The following CLIC2 variants were observed in gnomAD, a reference collection of about 807,000 sequenced individuals.
CLIC2 encodes the protein chloride intracellular channel protein 2.
In CLIC2, 9 loss-of-function variants were observed where a neutral mutation model predicts 14.8. That is an observed-to-expected ratio of 0.61 (90% CI 0.37 to 1.06). CLIC2 has a LOEUF of 1.06. Ranked by LOEUF, CLIC2 falls within the 50% of genes least tolerant of loss-of-function variation. CLIC2 has a pLI of 0.01. For synonymous variants in CLIC2, 61 were observed against 66.3 expected, an observed-to-expected ratio of 0.92 and a Z score of 0.39; for missense variants, 148 against 181.4, an observed-to-expected ratio of 0.82 and a Z score of 1.06.
intron 1 of CLIC2, among the ~76,000 whole-genome samples, chrX:155,329,504 A>C (rs1162927291): frequency 9.3e-6 from 1 of 107,458 alleles, no homozygotes; most frequent in Non-Finnish European, 2.0e-5. Context: ...CAACCTAATA[A>C]AATGGCTTTT....
At chrX:155,299,875 T>C (rs1472106783) in intron 1 of CLIC2, among the ~76,000 whole-genome samples, 9 of 108,467 alleles carry the variant, frequency 8.3e-5, no homozygotes. Flanking sequence ...TGATTTCCAA[T>C]TTCATCCATG....
intron 3 of CLIC2, among the ~76,000 whole-genome samples, chrX:155,281,118 G>T (rs2074917614): frequency 9.2e-6 from 1 of 108,200 alleles, no homozygotes; most frequent in Admixed American, 1.0e-4. Context: ...GCCAGGCACA[G>T]AAAGACAAAT....
chrX:155,301,492 G>A (rs2075017807), intron 1 of CLIC2, among the ~76,000 whole-genome samples: 1 of 107,930 alleles, frequency 9.3e-6, no homozygotes, highest in South Asian at 4.2e-4. Flanking sequence ...AGACAATGGG[G>A]TTTTCTAGAT....
At chrX:155,279,430 C>A in intron 4 of CLIC2, 100 bp from the exon 5 acceptor site, 1 of 603,386 alleles carries the variant, frequency 1.7e-6, no homozygotes. Flanking sequence ...TCTATCTATA[C>A]ATACTACTTA....
At chrX:155,311,824 A>T (rs1224908481) in intron 1 of CLIC2, among the ~76,000 whole-genome samples, 1 of 111,675 alleles carries the variant, frequency 9.0e-6, no homozygotes, top group Non-Finnish European at 1.9e-5. Context: ...GGCAGCAGAC[A>T]AGAGAAGAGA....
In CLIC2 at chrX:155,285,949, G is replaced by A. The variant is rs1395720685; in HGVS notation, c.294-5881C>T. On this transcript the variant is annotated intron_variant, in intron 3 of 5. Coordinates refer to ENST00000369449, the MANE Select transcript of CLIC2 (RefSeq NM_001289.6). The stretch of plus-strand genomic sequence containing the variant: ...AGGGAGGGGGGCTCCAAAGCCGAAA[G>A]AGGAGGCCCCCCAAAAACCATATTT... 3.7e-5 allele frequency among the ~76,000 whole-genome samples: 4 copies of A among 109,268 alleles called. No homozygotes were observed. In the Admixed American group the frequency reaches 3.9e-4, roughly 11 times the overall value. 94.9% of individuals were successfully genotyped at this position (109,268 alleles called of 115,157 possible). A position where few individuals can be genotyped will look rare whatever the true frequency, so the allele number is the denominator to read the frequency against.
At chrX:155,318,000 C>G (rs781806625) in intron 1 of CLIC2, among the ~76,000 whole-genome samples, 8 of 111,502 alleles carry the variant, frequency 7.2e-5, no homozygotes, top group Non-Finnish European at 1.5e-4. Flanking sequence ...CGACAAAATC[C>G]AGCATCTCTT....
intron 1 of CLIC2, among the ~76,000 whole-genome samples, chrX:155,319,104 A>C (rs1389636599): frequency 8.9e-6 from 1 of 112,475 alleles, no homozygotes; most frequent in Non-Finnish European, 1.9e-5. Context: ...AACCATAAAA[A>C]TTCTAGAAGA....
intron 1 of CLIC2, among the ~76,000 whole-genome samples, chrX:155,319,048 A>G (rs2075104305): frequency 8.9e-6 from 1 of 112,199 alleles, no homozygotes; most frequent in East Asian, 2.8e-4. Context: ...CTCACCTTAT[A>G]CAGAAATAAT....
chrX:155,292,624 G>T (rs112361084), intron 3 of CLIC2: 16 of 240,932 alleles, frequency 6.6e-5, no homozygotes, highest in African/African-American at 2.0e-4. Flanking sequence ...CAAAAAATTA[G>T]CCGGGCGTGG....
At chrX:155,314,055 G>A (rs2124201714) in intron 1 of CLIC2, among the ~76,000 whole-genome samples, 1 of 111,079 alleles carries the variant, frequency 9.0e-6, no homozygotes, top group East Asian at 2.8e-4. Flanking sequence ...GAGAGTCTGA[G>A]CTCAGACATG....
At chrX:155,320,026 A>G (rs1417600888) in intron 1 of CLIC2, among the ~76,000 whole-genome samples, 4 of 112,591 alleles carry the variant, frequency 3.6e-5, no homozygotes, top group Non-Finnish European at 7.5e-5. Context: ...CCCTCTGGGC[A>G]GGGCATCTCT....
At position 155,329,965 on chromosome X, in the gene CLIC2, T is replaced by A. The variant is rs782681505; in HGVS notation, c.57+4406A>T. Among the ~76,000 whole-genome samples, 3 of 111,401 alleles carry A rather than the reference T, an allele frequency of 2.7e-5. No homozygotes were observed. In the East Asian group the frequency reaches 8.5e-4, roughly 32 times the overall value. On this transcript the variant is annotated intron_variant, in intron 1 of 5. Coordinates refer to ENST00000369449, the MANE Select transcript of CLIC2 (RefSeq NM_001289.6). ...AAGACAAACTTCACGTGTTCTCACT[T>A]ATTTGTGAGAGCTAAGAACAAAAAC...
At chrX:155,298,751 T>C (rs2075003982) in intron 3 of CLIC2, 34 bp downstream of exon 3, 1 of 1,203,200 alleles carries the variant, frequency 8.3e-7, no homozygotes, top group South Asian at 1.8e-5. Context: ...AAATAGATTA[T>C]CTTCAGCAAA....
At chrX:155,291,443 G>C (rs1790295134) in intron 3 of CLIC2, 1 of 444,860 alleles carries the variant, frequency 2.2e-6, no homozygotes, top group African/African-American at 2.4e-5. Flanking sequence ...TCTAGATATG[G>C]AATCATGTCG....
chrX:155,304,696 C>A (rs782222586), intron 1 of CLIC2, among the ~76,000 whole-genome samples: 37 of 100,220 alleles, frequency 3.7e-4, no homozygotes, highest in Non-Finnish European at 6.6e-4. Flanking sequence ...TCTGTTTTTT[C>A]CCCATCTTTG....
intron 3 of CLIC2, chrX:155,290,995 C>T (rs1602933687): frequency 1.4e-6 from 1 of 712,727 alleles, no homozygotes; most frequent in East Asian, 3.2e-5. Flanking sequence ...AATGATACAT[C>T]TTCCTTTACT....
intron 1 of CLIC2, among the ~76,000 whole-genome samples, chrX:155,319,656 T>C (rs984733698): frequency 2.9e-4 from 32 of 111,214 alleles, no homozygotes; most frequent in African/African-American, 1.0e-3. Flanking sequence ...CCAAGCTAGC[T>C]GCAGGAGTTT....
chrX:155,326,091 G>A (rs2075136911), intron 1 of CLIC2, among the ~76,000 whole-genome samples: 1 of 108,538 alleles, frequency 9.2e-6, no homozygotes, highest in Non-Finnish European at 1.9e-5. Flanking sequence ...GGTGACGGAT[G>A]CACCAATATC....
Sources: gnomAD v4.1 joint callset for allele counts (sites outside exome capture counted in the v4.1 genomes callset) on GRCh38, gnomAD v4.1.1 for gene constraint, MANE v1.5 for transcripts, NCBI Gene and HGNC (gene_info 2026-07-23, HGNC 2026-07-21) for gene names.